Variants in KCNAB2 observed in about 807,000 individuals in gnomAD.
KCNAB2 encodes the protein voltage-gated potassium channel subunit beta-2.
Under a neutral mutation model 63.6 loss-of-function variants are expected in KCNAB2, and 29 were observed. The ratio of observed to expected loss-of-function variants is 0.46; its 90% CI spans 0.34 to 0.62. The LOEUF (loss-of-function observed/expected upper bound fraction) is 0.62, where lower values mean the gene tolerates loss of function less well. Among genes scored for constraint, KCNAB2 ranks in the 20% least tolerant of loss-of-function variants. The pLI is 0.01. For synonymous variants in KCNAB2, 222 were observed against 224.2 expected (o/e 0.99, Z 0.09); for missense variants, 359 against 563.9 (o/e 0.64, Z 3.68).
intron 2 of KCNAB2, among the ~76,000 whole-genome samples, chr1:6,065,029 A>G (rs1662624093): frequency 6.6e-6 from 1 of 152,194 alleles, no homozygotes. Flanking sequence ...CATCTGTGTC[A>G]TAACCATCAA....
chr1:6,000,492 G>A lies in KCNAB2; in HGVS notation c.-53+7704G>A, dbSNP rs1570813827. On this transcript the variant is annotated intron_variant, in intron 1 of 16. Coordinates refer to the KCNAB2 transcript ENST00000341524. ...CACCCTGTGCTGGGGCACTTCAGAGGCTCCGGGGAGCTGCCATGCTCTCTC... is the reference window on the plus strand; with the variant it reads ...CACCCTGTGCTGGGGCACTTCAGAGACTCCGGGGAGCTGCCATGCTCTCTC... 2.6e-5 allele frequency among the ~76,000 whole-genome samples: 4 copies of A among 152,246 alleles called. No individual in the cohort carries two copies. The East Asian group carries it at 7.7e-4, about 29-fold the overall frequency.
At chr1:6,043,567 C>G (rs185652374), upstream of KCNAB2, among the ~76,000 whole-genome samples, 4 of 152,336 alleles carry the variant, frequency 2.6e-5, no homozygotes, top group African/African-American at 7.2e-5. Context: ...CAGGGGGTCA[C>G]TTGGGTGTCT....
At chr1:6,034,975 T>C (rs1340271909) in intron 1 of KCNAB2, among the ~76,000 whole-genome samples, 1 of 151,956 alleles carries the variant, frequency 6.6e-6, no homozygotes, top group East Asian at 1.9e-4. Context: ...TGACAGGCGC[T>C]GGGGAGAAAC....
intron 9 of KCNAB2, 25 bp downstream of exon 9, chr1:6,090,500 C>G (rs1423006019): frequency 4.4e-6 from 7 of 1,590,328 alleles, no homozygotes; most frequent in Non-Finnish European, 6.0e-6. Flanking sequence ...GCGGCGCCAC[C>G]GGTTAGGCCT....
upstream of KCNAB2, among the ~76,000 whole-genome samples, chr1:6,031,119 T>C (rs533580645): frequency 6.6e-6 from 1 of 152,270 alleles, no homozygotes; most frequent in East Asian, 1.9e-4. This position sits in a 1 kb window ranked among gnomAD's most constrained non-coding sequence, Gnocchi z 4.1. Context: ...CCACACCAGG[T>C]CAAATCAGAA....
Position 6,035,964 on chromosome 1 carries a change from C to T in KCNAB2, c.-53+1170C>T. 1 of 152,794 alleles carries T rather than the reference C, an allele frequency of 6.5e-6. No individual in the cohort carries two copies. Among genetic ancestry groups the T allele is most frequent in the Non-Finnish European group, 1.5e-5 (1 of 68,460 alleles). 9.5% of individuals were successfully genotyped at this position (152,794 alleles called of 1,614,324 possible). ...AGAGGGGAGCGTGGAGTCCTGGGAG[C>T]TGGGGAAGCCGCAGGCAGCACCTCT... On this transcript the variant is annotated intron_variant, in intron 1 of 15. Transcript: ENST00000164247. This position sits in a 1 kb window ranked among gnomAD's most constrained non-coding sequence, Gnocchi z 5.0.
At chr1:6,037,533 C>A (rs1235151020) in intron 1 of KCNAB2, among the ~76,000 whole-genome samples, 1 of 152,216 alleles carries the variant, frequency 6.6e-6, no homozygotes, top group Non-Finnish European at 1.5e-5. Context: ...GGGGCAGGAA[C>A]TCCATTGCTT....
intron 1 of KCNAB2, among the ~76,000 whole-genome samples, chr1:6,005,422 T>TGGGGGGACATGGAAGCTGAGCTGAGGGG (rs1557922510): frequency 2.3e-5 from 1 of 42,960 alleles, no homozygotes; most frequent in Non-Finnish European, 4.2e-5. Flanking sequence ...GGGGGTGGAG[T>TGGGGGGACATGGAAGCTGAGCTGAGGGG]TGTGGGTTGT....
chr1:6,055,337 G>A (rs940173991), intron 2 of KCNAB2, among the ~76,000 whole-genome samples: 1 of 150,444 alleles, frequency 6.6e-6, no homozygotes, highest in Non-Finnish European at 1.5e-5. Flanking sequence ...GAGTGGAGGA[G>A]ACCAGAAGAC....
chr1:6,096,892 A>G lies in KCNAB2; in HGVS notation c.1069+136A>G, dbSNP rs1409854670. On this transcript the variant is annotated intron_variant, in intron 14 of 15. Coordinates refer to ENST00000378083, the MANE Select transcript of KCNAB2 (RefSeq NM_001199862.2). The surrounding 1 kb of genome is among the most constrained non-coding windows in gnomAD (Gnocchi z 5.9). ...AAGGGATCCCTGGACATCATCCCCCAGCCAGCCTCGGGTAATCGGGCTCTA... is the reference window on the plus strand; with the variant it reads ...AAGGGATCCCTGGACATCATCCCCCGGCCAGCCTCGGGTAATCGGGCTCTA... 1.6e-5 allele frequency: 19 copies of G among 1,209,694 alleles called. No individual in the cohort carries two copies. The highest frequency in any genetic ancestry group is 2.1e-5 in the Non-Finnish European group (19 of 894,384). 74.9% of individuals were successfully genotyped at this position (1,209,694 alleles called of 1,614,324 possible). A position where few individuals can be genotyped will look rare whatever the true frequency, so the allele number is the denominator to read the frequency against.
At chr1:6,034,395 G>T in exon 1 of KCNAB2, 1 of 152,636 alleles carries the variant, frequency 6.6e-6, no homozygotes, top group Non-Finnish European at 1.5e-5. Context: ...AACAGAGGCT[G>T]TGTTGATGGC....
In KCNAB2 at chr1:6,098,667, T is replaced by C. The variant is rs112540362; in HGVS notation, c.*93T>C. On this transcript the variant is annotated 3_prime_UTR_variant, in exon 16 of 16. Transcript: ENST00000378083. ...TTTTGAAGCCAAGTGAAGAGTGTGGTTTGCATCCAAGAGAAAACACCACAC... is the reference window on the plus strand; with the variant it reads ...TTTTGAAGCCAAGTGAAGAGTGTGGCTTGCATCCAAGAGAAAACACCACAC... 514 of 1,483,190 alleles carry C rather than the reference T, an allele frequency of 3.5e-4. 1 individual carries two copies. The African/African-American group carries it at 5.7e-3, about 16-fold the overall frequency. 91.9% of individuals were successfully genotyped at this position (1,483,190 alleles called of 1,614,324 possible). A position where few individuals can be genotyped will look rare whatever the true frequency, so the allele number is the denominator to read the frequency against.
chr1:6,055,485 A>G (rs981627300), intron 2 of KCNAB2, among the ~76,000 whole-genome samples: 1 of 151,422 alleles, frequency 6.6e-6, no homozygotes, highest in Non-Finnish European at 1.5e-5. Flanking sequence ...CCTCCCAAGT[A>G]GCTGGGACTG....
chr1:6,065,405 A>G (rs1557473265), intron 2 of KCNAB2, among the ~76,000 whole-genome samples: 1 of 152,154 alleles, frequency 6.6e-6, no homozygotes, highest in Non-Finnish European at 1.5e-5. Context: ...TGGTCGCCTC[A>G]TTGACATGGT....
intron 1 of KCNAB2, among the ~76,000 whole-genome samples, chr1:6,008,119 A>C (rs1657932632): frequency 6.6e-6 from 1 of 152,178 alleles, no homozygotes; most frequent in Non-Finnish European, 1.5e-5. Context: ...GAGCTGGGCC[A>C]TTAAGACCCA....
At position 6,073,804 on chromosome 1, in the gene KCNAB2, A is replaced by G; in HGVS notation, c.300+34A>G. 1 of 1,610,854 alleles carries G rather than the reference A, an allele frequency of 6.2e-7. No homozygotes were observed. The highest frequency in any genetic ancestry group is 8.5e-7 in the Non-Finnish European group (1 of 1,177,174). On this transcript the variant is annotated intron_variant, in intron 4 of 15. Transcript: ENST00000378083. The surrounding 1 kb of genome is among the most constrained non-coding windows in gnomAD (Gnocchi z 5.7). Reference sequence around the variant, plus strand: ...GGGCTCTCCCAGCACCCCAGAACCCAGCACGGGCTCGCCAGAGCACATGGT... The same window carrying G: ...GGGCTCTCCCAGCACCCCAGAACCCGGCACGGGCTCGCCAGAGCACATGGT...
rs1659007788 is a variant in KCNAB2, at chr1:6,024,193, C to T, written c.-52-16324C>T. Among the ~76,000 whole-genome samples the T allele has an allele frequency of 1.3e-5, 2 of 152,118 alleles. No individual in the cohort carries two copies. The highest frequency in any genetic ancestry group is 1.3e-4 in the Admixed American group (2 of 15,274). On this transcript the variant is annotated intron_variant, in intron 1 of 16. Coordinates refer to the KCNAB2 transcript ENST00000341524. The surrounding 1 kb of genome is among the most constrained non-coding windows in gnomAD (Gnocchi z 5.4). ...CTGACCTCAGGTGATCCACCCATCT[C>T]GGCCTCCCAAAGTTCTGGGATTACA... is the stretch of plus-strand genomic sequence containing the variant.
chr1:6,069,604 C>T lies in KCNAB2; in HGVS notation c.219-3151C>T, dbSNP rs1373641285. Among the ~76,000 whole-genome samples, 2 of 152,154 alleles carry T rather than the reference C, an allele frequency of 1.3e-5. No homozygotes were observed. The highest frequency in any genetic ancestry group is 1.5e-5 in the Non-Finnish European group (1 of 68,032). ...CAGGTTTCAACGATGGGGAAGAAAT[C>T]GGTAGAAAATGATCTCTGTGTCTGG... On this transcript the variant is annotated intron_variant, in intron 2 of 15. Transcript: ENST00000378083. The surrounding 1 kb of genome is among the most constrained non-coding windows in gnomAD (Gnocchi z 5.4).
At position 6,051,648 on chromosome 1, in the gene KCNAB2, C is replaced by A; in HGVS notation, c.112C>A (p.Arg38=). 1 of 1,534,178 alleles carries A rather than the reference C, an allele frequency of 6.5e-7. No individual in the cohort carries two copies. Among genetic ancestry groups the A allele is most frequent in the Non-Finnish European group, 8.7e-7 (1 of 1,146,668 alleles). Residue 38 remains arginine, a synonymous_variant, in exon 2 of 16, where the codon CGG becomes AGG. Transcript: ENST00000378083. ...QTDTLELQRL[R]EVRAAAQARN... Reference sequence around the variant, plus strand: ...GGACACGCTGGAACTGCAGCGGCTGCGGGAGGTGCGGGCGGCTGCCCAGGC... The same window carrying A: ...GGACACGCTGGAACTGCAGCGGCTGAGGGAGGTGCGGGCGGCTGCCCAGGC...
Sources: gnomAD v4.1 joint callset for allele counts (sites outside exome capture counted in the v4.1 genomes callset) on GRCh38, gnomAD v4.1.1 for gene constraint, Gnocchi (gnomAD v3.1) non-coding constraint, MANE v1.5 for transcripts, NCBI Gene and HGNC (gene_info 2026-07-23, HGNC 2026-07-21) for gene names.